ADAMTS9: variants seen among roughly 807,000 people sequenced by gnomAD.
The protein encoded by ADAMTS9 is ADAM metallopeptidase with thrombospondin type 1 motif 9, also known as A disintegrin and metalloproteinase with thrombospondin motifs 9.
ADAMTS9 carries 107 observed loss-of-function variants against 257.1 expected under a neutral mutation model. The observed-to-expected ratio is 0.42, with a 90% CI of 0.36 to 0.49. The LOEUF (loss-of-function observed/expected upper bound fraction) is 0.49, where lower values mean the gene tolerates loss of function less well. Among genes scored for constraint, ADAMTS9 ranks in the 20% least tolerant of loss-of-function variants. The pLI is 0.03. For synonymous variants in ADAMTS9, 982 were observed against 880.9 expected, an observed-to-expected ratio of 1.11 and a Z score of -2.03; for missense variants, 2,353 against 2,469.1, an observed-to-expected ratio of 0.95 and a Z score of 1.00.
At chr3:64,559,844 T>A (rs1321220361) in intron 30 of ADAMTS9, among the ~76,000 whole-genome samples, 2 of 152,224 alleles carry the variant, frequency 1.3e-5, no homozygotes, top group Non-Finnish European at 2.9e-5. Flanking sequence ...AGCAGTCAGC[T>A]TAGATTCATT....
At chr3:64,655,127 G>A (rs1701030480) in intron 6 of ADAMTS9, among the ~76,000 whole-genome samples, 1 of 152,166 alleles carries the variant, frequency 6.6e-6, no homozygotes, top group Non-Finnish European at 1.5e-5. Flanking sequence ...TCATTTTTCT[G>A]GCTTTTGCAA....
intron 28 of ADAMTS9, among the ~76,000 whole-genome samples, chr3:64,584,846 C>CT (rs1293483449): frequency 6.6e-6 from 1 of 152,084 alleles, no homozygotes; most frequent in Non-Finnish European, 1.5e-5. Flanking sequence ...CTCTAAAACT[C>CT]TTTTTTCCTC....
At chr3:64,620,903 A>G (rs1216175666) in intron 19 of ADAMTS9, among the ~76,000 whole-genome samples, 1 of 152,172 alleles carries the variant, frequency 6.6e-6, no homozygotes, top group Non-Finnish European at 1.5e-5. Context: ...TCTATTAGCT[A>G]TTTTTAATTC....
intron 28 of ADAMTS9, chr3:64,583,656 C>T (rs968050357): frequency 1.3e-5 from 2 of 152,168 alleles, no homozygotes; most frequent in Non-Finnish European, 1.5e-5. Flanking sequence ...CAAATGTCCA[C>T]CGCAGGCTAA....
At chr3:64,580,034 C>A (rs146472654) in intron 28 of ADAMTS9, among the ~76,000 whole-genome samples, 23 of 152,200 alleles carry the variant, frequency 1.5e-4, no homozygotes, top group Non-Finnish European at 8.8e-5. Flanking sequence ...ACATACCCTG[C>A]GTGTCATATA....
At chr3:64,531,686 C>T (rs1001782480) in intron 38 of ADAMTS9, among the ~76,000 whole-genome samples, 3 of 152,138 alleles carry the variant, frequency 2.0e-5, no homozygotes, top group East Asian at 3.9e-4. Flanking sequence ...AGGCTGGTCT[C>T]GAACTCTTAG....
intron 2 of ADAMTS9, 30 bp from the exon 3 acceptor site, chr3:64,681,393 T>G (rs1256240171): frequency 1.6e-5 from 26 of 1,589,062 alleles, no homozygotes; most frequent in Non-Finnish European, 2.2e-5. Flanking sequence ...GGAGGTTGAT[T>G]TAACGTAACT....
intron 16 of ADAMTS9, among the ~76,000 whole-genome samples, chr3:64,625,854 A>C (rs1343308759): frequency 4.6e-5 from 7 of 152,182 alleles, no homozygotes; most frequent in Admixed American, 4.6e-4. Context: ...TACAAATCTT[A>C]ATCTTCACCT....
chr3:64,681,192 A>G lies in ADAMTS9; in HGVS notation c.679+9T>C. ...AGCTGGGCTCTCCGCTTAAGCAAGA[A>G]GCAAATACCTGAGGTGTCACATGCA... On this transcript the variant is annotated intron_variant, in intron 3 of 39. Coordinates refer to ENST00000498707, the MANE Select transcript of ADAMTS9 (RefSeq NM_182920.2). The G allele has an allele frequency of 6.2e-7, 1 of 1,609,654 alleles. No homozygotes were observed. Among genetic ancestry groups the G allele is most frequent in the Non-Finnish European group, 8.5e-7 (1 of 1,178,648 alleles).
Position 64,681,296 on chromosome 3 carries a change from T to C in ADAMTS9, c.584A>G (p.Glu195Gly). 4 of 1,614,094 alleles carry C rather than the reference T, an allele frequency of 2.5e-6. No individual in the cohort carries two copies. Among genetic ancestry groups the C allele is most frequent in the South Asian group, 1.1e-5 (1 of 91,080 alleles). ...IEPLQSMDEQ[E>G]DEEEQNKPHI... ...GGGTTTGTTTTGTTCCTCTTCATCT[T>C]CTTGTTCATCCATAGACTGTAGTGG... is the stretch of plus-strand genomic sequence containing the variant. Residue 195 changes from glutamate (E) to glycine (G), a missense_variant, in exon 3 of 40, where the codon GAA becomes GGA. Around this residue, in one of 3 missense-constraint regions of ADAMTS9, gnomAD observed 591 missense variants for 569.6 expected, o/e 1.04. Transcript: ENST00000498707.
chr3:64,573,079 T>TAA (rs57570382), intron 28 of ADAMTS9, among the ~76,000 whole-genome samples: 7,006 of 119,820 alleles, frequency 0.058, 543 homozygotes, highest in East Asian at 0.22. Context: ...GACTCCATCT[T>TAA]AAAAAAAAAA....
chr3:64,544,756 A>G (rs1300430142), intron 32 of ADAMTS9, among the ~76,000 whole-genome samples: 8 of 152,206 alleles, frequency 5.3e-5, no homozygotes, highest in Non-Finnish European at 1.0e-4. Flanking sequence ...AAGCCAAAAT[A>G]GACAAACAGG....
chr3:64,633,971 G>C (rs1700434528), intron 12 of ADAMTS9, 92 bp from the exon 13 acceptor site: 1 of 1,231,140 alleles, frequency 8.1e-7, no homozygotes, highest in Admixed American at 2.3e-5. Flanking sequence ...CTGTCTTCTA[G>C]AGAAGTAAAT....
intron 30 of ADAMTS9, among the ~76,000 whole-genome samples, chr3:64,558,443 ATTT>A (rs1456133735): frequency 1.3e-5 from 2 of 152,124 alleles, no homozygotes; most frequent in African/African-American, 4.8e-5. Flanking sequence ...AAGCTTTATT[ATTT>A]TTATTATCTT....
At position 64,620,483 on chromosome 3, in the gene ADAMTS9, G is replaced by A. The variant is rs569107521; in HGVS notation, c.2813+631C>T. The stretch of plus-strand genomic sequence containing the variant: ...TTAACTGTCATGCAGAGTATAAAAT[G>A]CAAGCCCCGACTACTTAATATTTCA... On this transcript the variant is annotated intron_variant, in intron 19 of 39. Transcript: ENST00000498707. 2.6e-4 allele frequency among the ~76,000 whole-genome samples: 40 copies of A among 151,332 alleles called. No homozygotes were observed. In the Middle Eastern group the frequency reaches 0.02, roughly 77 times the overall value.
intron 28 of ADAMTS9, among the ~76,000 whole-genome samples, chr3:64,593,648 A>T (rs1424655107): frequency 6.6e-6 from 1 of 152,198 alleles, no homozygotes; most frequent in East Asian, 1.9e-4. Flanking sequence ...ATGGTCCCAA[A>T]CGGGCTTCCT....
intron 15 of ADAMTS9, 96 bp downstream of exon 15, chr3:64,631,712 A>T: frequency 7.9e-7 from 1 of 1,262,418 alleles, no homozygotes; most frequent in East Asian, 2.3e-5. Flanking sequence ...ACTGATTTTT[A>T]TGCTCGACAT....
chr3:64,604,734 A>G (rs1384381442), intron 23 of ADAMTS9, among the ~76,000 whole-genome samples: 2 of 151,398 alleles, frequency 1.3e-5, no homozygotes, highest in South Asian at 2.2e-4. Context: ...TTTCTTAATC[A>G]GAATTTGCTA....
chr3:64,645,570 C>G (rs11917623), intron 11 of ADAMTS9, among the ~76,000 whole-genome samples: 5,377 of 152,232 alleles, frequency 0.035, 305 homozygotes, highest in African/African-American at 0.12. Flanking sequence ...AGAAACAAAG[C>G]AAAACACTCA....
Sources: allele counts gnomAD v4.1 joint callset (sites outside exome capture counted in the v4.1 genomes callset), GRCh38; gene constraint gnomAD v4.1.1; regional missense constraint gnomAD v4.1.1; transcripts MANE v1.5; gene names NCBI Gene and HGNC (gene_info 2026-07-23, HGNC 2026-07-21).